Variants in BAHCC1 observed in about 807,000 individuals in gnomAD.
BAHCC1 encodes BAH domain and coiled-coil containing 1, also known as BAH and coiled-coil domain-containing protein 1.
In BAHCC1, 43 loss-of-function variants were observed where a neutral mutation model predicts 88.2. The observed-to-expected ratio is 0.49, with a 90% CI of 0.38 to 0.63. The LOEUF is 0.63. Among genes scored for constraint, BAHCC1 ranks in the 20% least tolerant of loss-of-function variants. BAHCC1 has a pLI of 0.00. For synonymous variants in BAHCC1, 1,510 were observed against 745.5 expected (o/e 2.03, Z -16.71); for missense variants, 3,023 against 1,654.8 (o/e 1.83, Z -14.34).
In BAHCC1 at chr17:81,438,405, T is replaced by C; in HGVS notation, c.394T>C (p.Ser132Pro). The change falls in exon 4 of 28, where the codon TCC (serine) becomes CCC (proline). Residue 132 changes from serine (S) to proline (P), a missense_variant. By Grantham distance (74) the Ser-to-Pro change is moderately conservative. Coordinates refer to ENST00000675386, the MANE Select transcript of BAHCC1 (RefSeq NM_001377448.1). The part of the protein sequence containing the change: ...GYPRFSGSLA[S>P]TFLPVSHLDH... Reference sequence around the variant, plus strand: ...CCCCAGATTTTCGGGGAGTCTGGCATCCACCTTCCTACCCGTGAGCCACTT... The same window carrying C: ...CCCCAGATTTTCGGGGAGTCTGGCACCCACCTTCCTACCCGTGAGCCACTT... 1 of 778,780 alleles carries C rather than the reference T, an allele frequency of 1.3e-6. No individual in the cohort carries two copies. The highest frequency in any genetic ancestry group is 2.4e-6 in the Non-Finnish European group (1 of 417,572). The allele number at this position is 778,780 out of a possible 1,614,324, so 48.2% of individuals were successfully genotyped here. A position where few individuals can be genotyped will look rare whatever the true frequency, so the allele number is the denominator to read the frequency against.
chr17:81,458,288 A>G lies in BAHCC1; in HGVS notation c.5165A>G (p.Lys1722Arg), dbSNP rs1555657958. The G allele has an allele frequency of 2.7e-6, 2 of 749,908 alleles. No homozygotes were observed. Among genetic ancestry groups the G allele is most frequent in the Non-Finnish European group, 4.9e-6 (2 of 404,068 alleles). 46.5% of individuals were successfully genotyped at this position (749,908 alleles called of 1,614,324 possible). ...GQRPPGALGKKKAKGKAKGSL... is the reference protein window; with the variant it reads ...GQRPPGALGKRKAKGKAKGSL... The stretch of plus-strand genomic sequence containing the variant: ...AGGCCCCCAGGTGCGCTGGGCAAGA[A>G]GAAAGCCAAGGGCAAGGCCAAGGGC... The change falls in exon 18 of 28, where the codon AAG becomes AGG. Residue 1722 changes from lysine (K) to arginine (R), a missense_variant. Transcript: ENST00000675386.
chr17:81,424,366 T>G (rs1455263390), intron 2 of BAHCC1, among the ~76,000 whole-genome samples: 2 of 152,148 alleles, frequency 1.3e-5, no homozygotes, highest in Non-Finnish European at 2.9e-5. Context: ...CGCCAGTGTG[T>G]GAGAGGCCTT....
chr17:81,462,591 T>C (rs1238061494), intron 26 of BAHCC1, 149 bp from the exon 27 acceptor site: 3 of 596,672 alleles, frequency 5.0e-6, no homozygotes, highest in Non-Finnish European at 8.9e-6. Context: ...TAAGCCGCGG[T>C]GCTGCGGCTT....
intron 2 of BAHCC1, among the ~76,000 whole-genome samples, chr17:81,409,653 C>T (rs2063924265): frequency 6.6e-6 from 1 of 152,156 alleles, no homozygotes; most frequent in Non-Finnish European, 1.5e-5. Flanking sequence ...GGGAGGGCTG[C>T]CTCTCCCCGC....
Position 81,443,884 on chromosome 17 carries a change from G to A in BAHCC1, c.2291G>A (p.Arg764His), listed in dbSNP as rs376743082. 63 of 713,476 alleles carry A rather than the reference G, an allele frequency of 8.8e-5. No homozygotes were observed. The highest frequency in any genetic ancestry group is 6.4e-4 in the African/African-American group (37 of 57,396). The allele number at this position is 713,476 out of a possible 1,614,324, so 44.2% of individuals were successfully genotyped here. The stretch of plus-strand genomic sequence containing the variant: ...GAGAGGACGAGGCTATGTGATGACC[G>A]CCTGGGGCTTGCCAGCCGCGAGCTG... Reference protein sequence around the residue: ...EEERTRLCDDRLGLASRELLL... With the variant: ...EEERTRLCDDHLGLASRELLL... The change falls in exon 6 of 28, where the codon CGC (arginine) becomes CAC (histidine). Residue 764 changes from arginine to histidine, a missense_variant. Transcript: ENST00000675386.
intron 2 of BAHCC1, among the ~76,000 whole-genome samples, chr17:81,419,420 G>C (rs547449873): frequency 3.0e-4 from 46 of 152,380 alleles, no homozygotes; most frequent in Non-Finnish European, 6.0e-4. Flanking sequence ...AGGGCCAGCA[G>C]GGGGGCTGCT....
At position 81,457,576 on chromosome 17, in the gene BAHCC1, G is replaced by A; in HGVS notation, c.5025G>A (p.Glu1675=). 2.7e-6 allele frequency: 2 copies of A among 743,100 alleles called. No individual in the cohort carries two copies. The highest frequency in any genetic ancestry group is 2.5e-6 in the Non-Finnish European group (1 of 399,580). The allele number at this position is 743,100 out of a possible 1,614,324, so 46.0% of individuals were successfully genotyped here. ...EANQKAKKKK[E]RQGLLGACRL... ...ACCAGAAGGCCAAGAAGAAGAAGGAGAGGCAGGGGTTGCTAGGTAACCAGG... is the reference window on the plus strand; with the variant it reads ...ACCAGAAGGCCAAGAAGAAGAAGGAAAGGCAGGGGTTGCTAGGTAACCAGG... Residue 1675 remains glutamate, a synonymous_variant, in exon 17 of 28, where the codon GAG becomes GAA. Transcript: ENST00000675386.
At chr17:81,441,759 A>G in intron 4 of BAHCC1, 72 bp from the exon 5 acceptor site, 1 of 491,638 alleles carries the variant, frequency 2.0e-6, no homozygotes, top group Non-Finnish European at 3.7e-6. Context: ...CACCTGGAGC[A>G]CCTGTCTCAG....
At chr17:81,409,561 C>T (rs1243464345) in intron 2 of BAHCC1, among the ~76,000 whole-genome samples, 2 of 152,148 alleles carry the variant, frequency 1.3e-5, no homozygotes, top group East Asian at 1.9e-4. Context: ...CGCGGGGTCG[C>T]GGGGGTGCAG....
chr17:81,396,859 C>A, intron 1 of BAHCC1: 1 of 152,654 alleles, frequency 6.6e-6, no homozygotes, highest in Non-Finnish European at 1.5e-5. Flanking sequence ...CCGCCCGGGG[C>A]CCTCTGCCCG....
intron 2 of BAHCC1, among the ~76,000 whole-genome samples, chr17:81,420,744 G>A (rs1430896385): frequency 6.6e-6 from 1 of 152,244 alleles, no homozygotes; most frequent in Non-Finnish European, 1.5e-5. Flanking sequence ...CCAACTGGAG[G>A]CCAGTGTGCA....
Position 81,442,434 on chromosome 17 carries a change from G to T in BAHCC1, c.1085G>T (p.Gly362Val), listed in dbSNP as rs1555652822. ...GPPPPLSTAA[G>V]SFPCLQLHGG... ...CCCCCGCCCCTCAGCACAGCCGCCG[G>T]CTCCTTCCCCTGCCTGCAGCTGCAC... Residue 362 changes from glycine to valine, a missense_variant, in exon 5 of 28, where the codon GGC (glycine) becomes GTC (valine). Coordinates refer to ENST00000675386, the MANE Select transcript of BAHCC1 (RefSeq NM_001377448.1). 1.4e-6 allele frequency: 1 copy of T among 708,774 alleles called. No individual in the cohort carries two copies. The highest frequency in any genetic ancestry group is 2.6e-6 in the Non-Finnish European group (1 of 382,280). 43.9% of individuals were successfully genotyped at this position (708,774 alleles called of 1,614,324 possible).
rs1411369951 is a variant in BAHCC1, at chr17:81,434,438, C to T, written c.359-3932C>T. On this transcript the variant is annotated intron_variant, in intron 3 of 27. Coordinates refer to ENST00000675386, the MANE Select transcript of BAHCC1 (RefSeq NM_001377448.1). The surrounding 1 kb of genome is among the most constrained non-coding windows in gnomAD (Gnocchi z 4.9). ...GTTTGTCAGGATGGTGGGGTGTCCG[C>T]TGTAGAAGGTTTTGTCCTCAAAGGC... Among the ~76,000 whole-genome samples, 1 of 152,198 alleles carries T rather than the reference C, an allele frequency of 6.6e-6. No individual in the cohort carries two copies. Among genetic ancestry groups the T allele is most frequent in the African/African-American group, 2.4e-5 (1 of 41,464 alleles).
intron 2 of BAHCC1, among the ~76,000 whole-genome samples, chr17:81,410,272 TTGG>T (rs2063933471): frequency 1.3e-5 from 2 of 152,330 alleles, no homozygotes; most frequent in South Asian, 4.1e-4. Context: ...CCTGGGACCC[TTGG>T]TGGGGCCTCC....
intron 15 of BAHCC1, 64 bp from the exon 16 acceptor site, chr17:81,456,233 C>T (rs2064746660): frequency 1.5e-6 from 1 of 673,634 alleles, no homozygotes; most frequent in Admixed American, 2.6e-5. Context: ...AGGCACCTAA[C>T]CGCCCAGGGG....
rs567435659 is a variant in BAHCC1, at chr17:81,445,675, G to A, written c.3157G>A (p.Glu1053Lys). ...QQSTADIITS[E>K]PDLPPGYLRP... ...GTCCACGGCCGACATCATCACATCC[G>A]AACCAGGTGAGAGTAGCCGCCTGGC... is the stretch of plus-strand genomic sequence containing the variant. The change falls in exon 10 of 28, where the codon GAA becomes AAA. Residue 1053 changes from glutamate to lysine, a missense_variant. Transcript: ENST00000675386. 1,015 of 728,056 alleles carry A rather than the reference G, an allele frequency of 1.4e-3. 15 individuals are homozygous for A. The South Asian group carries it at 0.014, about 10-fold the overall frequency. The allele number at this position is 728,056 out of a possible 1,614,324, so 45.1% of individuals were successfully genotyped here.
chr17:81,419,788 CGTTT>C (rs1183584435), intron 2 of BAHCC1, among the ~76,000 whole-genome samples: 5 of 102,308 alleles, frequency 4.9e-5, no homozygotes, highest in Admixed American at 1.0e-4. Context: ...CTCAACGAGG[CGTTT>C]TTTTTTTTTT....
chr17:81,452,137 AG>A (rs1568028695), intron 13 of BAHCC1, 30 bp downstream of exon 13: 3 of 236,934 alleles, frequency 1.3e-5, no homozygotes, highest in South Asian at 9.2e-5. Flanking sequence ...GGGGCCTGGG[AG>A]GGTCGCAGCA....
In BAHCC1 at chr17:81,463,960, C is replaced by T; in HGVS notation, c.*143C>T. 1.6e-6 allele frequency: 1 copy of T among 621,044 alleles called. No individual in the cohort carries two copies. Among genetic ancestry groups the T allele is most frequent in the Non-Finnish European group, 2.9e-6 (1 of 346,872 alleles). The allele number at this position is 621,044 out of a possible 1,614,324, so 38.5% of individuals were successfully genotyped here. Reference sequence around the variant, plus strand: ...ATGCAAAAGCCCACAGGGCAAGACCCAGGCTTTCTTACGGTTTTCCCTGGA... The same window carrying T: ...ATGCAAAAGCCCACAGGGCAAGACCTAGGCTTTCTTACGGTTTTCCCTGGA... On this transcript the variant is annotated 3_prime_UTR_variant, in exon 28 of 28. Coordinates refer to ENST00000675386, the MANE Select transcript of BAHCC1 (RefSeq NM_001377448.1).
Sources: gnomAD v4.1 joint callset for allele counts (sites outside exome capture counted in the v4.1 genomes callset) on GRCh38, gnomAD v4.1.1 for gene constraint, Gnocchi (gnomAD v3.1) non-coding constraint, MANE v1.5 for transcripts, NCBI Gene and HGNC (gene_info 2026-07-23, HGNC 2026-07-21) for gene names.